DNAJC18: variants seen among roughly 807,000 people sequenced by gnomAD.
DNAJC18 encodes dnaJ homolog subfamily C member 18.
A neutral mutation model predicts 48.6 loss-of-function variants in DNAJC18; 40 were observed. That is an observed-to-expected ratio of 0.82 (90% CI 0.64 to 1.07). The LOEUF (loss-of-function observed/expected upper bound fraction) is 1.07, where lower values mean the gene tolerates loss of function less well. DNAJC18 is among the 50% of genes least tolerant of loss of function. The probability of loss-of-function intolerance (pLI) is 0.00; values close to 1 mark genes in which losing one functional copy is unlikely to be tolerated. For synonymous variants in DNAJC18, 135 were observed against 152.2 expected (o/e 0.89, Z 0.83); for missense variants, 340 against 427.7 (o/e 0.79, Z 1.81).
rs771477587 is a variant in DNAJC18 at position 139,422,826 on chromosome 5, GA to G, written c.670-10del. The G allele has an allele frequency of 8.5e-5, 124 of 1,450,866 alleles. No homozygotes were observed. Among genetic ancestry groups the G allele is most frequent in the Admixed American group, 1.6e-4 (7 of 43,040 alleles). 89.9% of individuals were successfully genotyped at this position (1,450,866 alleles called of 1,614,324 possible). ...AATGCAGAATATGTAGTCTGAAAAAGAAAAAAAAATAAAAACTTGCTGTAAG... is the reference window on the plus strand; with the variant it reads ...AATGCAGAATATGTAGTCTGAAAAAGAAAAAAAATAAAAACTTGCTGTAAG... On this transcript the variant is annotated splice_polypyrimidine_tract_variant and intron_variant, in intron 5 of 7. Coordinates refer to ENST00000302060, the MANE Select transcript of DNAJC18 (RefSeq NM_152686.4).
At chr5:139,438,887 T>C (rs1409070230) in intron 1 of DNAJC18, among the ~76,000 whole-genome samples, 2 of 152,210 alleles carry the variant, frequency 1.3e-5, no homozygotes, top group Admixed American at 6.5e-5. Context: ...TTTTGTGAGC[T>C]AAGGGACCCA....
intron 7 of DNAJC18, chr5:139,419,108 C>T (rs753852397): frequency 4.4e-5 from 20 of 449,456 alleles, no homozygotes; most frequent in South Asian, 3.0e-4. Flanking sequence ...AGTAATAAGG[C>T]TTTAGAAATG....
At chr5:139,431,673 G>GT in intron 2 of DNAJC18, among the ~76,000 whole-genome samples, 1 of 152,276 alleles carries the variant, frequency 6.6e-6, no homozygotes, top group Admixed American at 6.5e-5. Flanking sequence ...TCATGTACAA[G>GT]TTTTTTTGTG....
chr5:139,436,515 CTTTT>C (rs57926576), intron 2 of DNAJC18, among the ~76,000 whole-genome samples: 1 of 67,646 alleles, frequency 1.5e-5, no homozygotes, highest in Non-Finnish European at 2.5e-5. Context: ...ATCCCTCTTT[CTTTT>C]TTTTTTTTTT....
rs549127904 is a variant in DNAJC18 at position 139,423,123 on chromosome 5, C to T, written c.670-306G>A. Among the ~76,000 whole-genome samples the T allele has an allele frequency of 5.3e-5, 8 of 152,116 alleles. No homozygotes were observed. In the South Asian group the frequency reaches 8.3e-4, roughly 16 times the overall value. On this transcript the variant is annotated intron_variant, in intron 5 of 7. Coordinates refer to ENST00000302060, the MANE Select transcript of DNAJC18 (RefSeq NM_152686.4). ...CTGGGATTACAGGTGTGAGCCACTGCGCCTGGCCTGTAAGTGTTCTTTATC... is the reference window on the plus strand; with the variant it reads ...CTGGGATTACAGGTGTGAGCCACTGTGCCTGGCCTGTAAGTGTTCTTTATC...
At chr5:139,426,457 G>C in intron 3 of DNAJC18, 100 bp from the exon 4 acceptor site, 1 of 1,406,856 alleles carries the variant, frequency 7.1e-7, no homozygotes, top group Non-Finnish European at 9.5e-7. Context: ...ACTCGTGCTG[G>C]ACAACTTCGC....
At chr5:139,428,313 C>T (rs1389696797) in intron 3 of DNAJC18, among the ~76,000 whole-genome samples, 1 of 152,034 alleles carries the variant, frequency 6.6e-6, no homozygotes, top group Non-Finnish European at 1.5e-5. Context: ...GGGAGGATCA[C>T]TTGAGCCCGG....
intron 5 of DNAJC18, among the ~76,000 whole-genome samples, chr5:139,424,717 C>CAAAAAAAAAAAAAAAAA (rs70982777): frequency 1.3e-4 from 3 of 23,100 alleles, no homozygotes; most frequent in Non-Finnish European, 2.0e-4. Context: ...GACCCTCTCT[C>CAAAAAAAAAAAAAAAAA]AAAAAAAAAA....
At chr5:139,418,907 T>C (rs548527619) in intron 7 of DNAJC18, 6 of 454,928 alleles carry the variant, frequency 1.3e-5, no homozygotes, top group Admixed American at 1.2e-4. Flanking sequence ...GACTGACATA[T>C]ATCCCTGGAA....
At position 139,412,902 on chromosome 5, in the gene DNAJC18, G is replaced by A; in HGVS notation, c.*1246C>T. The A allele has an allele frequency of 2.5e-6, 1 of 398,676 alleles. No individual in the cohort carries two copies. The highest frequency in any genetic ancestry group is 4.4e-6 in the Non-Finnish European group (1 of 226,094). The allele number at this position is 398,676 out of a possible 1,614,324, so 24.7% of individuals were successfully genotyped here. A position where few individuals can be genotyped will look rare whatever the true frequency, so the allele number is the denominator to read the frequency against. On this transcript the variant is annotated 3_prime_UTR_variant, in exon 8 of 8. Transcript: ENST00000302060. ...GGAGGACGGAGGCATCCTCGGGAAA[G>A]GTTCTGCTTTGCCAGTCTGGCTAGA...
At chr5:139,437,606 C>A in intron 1 of DNAJC18, 48 bp from the exon 2 acceptor site, 1 of 1,556,942 alleles carries the variant, frequency 6.4e-7, no homozygotes, top group South Asian at 1.2e-5. Flanking sequence ...CCCTGAAAAT[C>A]AACTTTGCAA....
chr5:139,427,087 A>G (rs1393576762), intron 3 of DNAJC18, among the ~76,000 whole-genome samples: 1 of 152,210 alleles, frequency 6.6e-6, no homozygotes, highest in African/African-American at 2.4e-5. Flanking sequence ...CAGTAGTGAT[A>G]TTTTAACTTG....
intron 2 of DNAJC18, among the ~76,000 whole-genome samples, chr5:139,434,016 C>A (rs1480683520): frequency 6.6e-6 from 1 of 152,010 alleles, no homozygotes; most frequent in African/African-American, 2.4e-5. Flanking sequence ...CTCAGCCTCC[C>A]AAGTAGCTGG....
Position 139,422,732 on chromosome 5 carries a change from G to A in DNAJC18, c.755C>T (p.Pro252Leu), listed in dbSNP as rs1451398992. 2.5e-6 allele frequency: 4 copies of A among 1,608,482 alleles called. No individual in the cohort carries two copies. Among genetic ancestry groups the A allele is most frequent in the South Asian group, 1.1e-5 (1 of 89,916 alleles). Residue 252 changes from proline to leucine, a missense_variant, in exon 6 of 8, where the codon CCC (proline) becomes CTC (leucine). By Grantham distance (98) the Pro-to-Leu change is moderately conservative. Transcript: ENST00000302060. ...CGATTTATAGAACAGACTATATGGG[G>A]GATTAGTAGCCAGCAGCTGAGTAAT... is the stretch of plus-strand genomic sequence containing the variant. ...SVITQLLATNPPYSLFYKSTL... is the reference protein window; with the variant it reads ...SVITQLLATNLPYSLFYKSTL...
chr5:139,413,840 T>C lies in DNAJC18; in HGVS notation c.*308A>G. The stretch of plus-strand genomic sequence containing the variant: ...GGGAAGAAGGAAGAAAGCATGGATC[T>C]GCTCTGGGATGCCCTGAACTCCATT... On this transcript the variant is annotated 3_prime_UTR_variant, in exon 8 of 8. Transcript: ENST00000302060. The C allele has an allele frequency of 3.9e-6, 1 of 255,852 alleles. No individual in the cohort carries two copies. Among genetic ancestry groups the C allele is most frequent in the Non-Finnish European group, 7.3e-6 (1 of 136,394 alleles). 15.8% of individuals were successfully genotyped at this position (255,852 alleles called of 1,614,324 possible).
intron 2 of DNAJC18, among the ~76,000 whole-genome samples, chr5:139,434,839 G>A (rs921313770): frequency 6.6e-6 from 1 of 151,874 alleles, no homozygotes; most frequent in African/African-American, 2.4e-5. Flanking sequence ...TTTCCAATTT[G>A]GATGGCTTTT....
chr5:139,422,283 CAACAAAAACA>C (rs1359204535), intron 6 of DNAJC18, among the ~76,000 whole-genome samples: 1 of 152,060 alleles, frequency 6.6e-6, no homozygotes, highest in Non-Finnish European at 1.5e-5. Context: ...TCTCTATTTT[CAACAAAAACA>C]AAAAAATTGA....
chr5:139,430,816 C>A (rs749842869), intron 2 of DNAJC18, among the ~76,000 whole-genome samples: 8 of 152,168 alleles, frequency 5.3e-5, no homozygotes, highest in African/African-American at 9.7e-5. Context: ...AGTGATCCAC[C>A]TGCCTTGGCC....
intron 2 of DNAJC18, among the ~76,000 whole-genome samples, chr5:139,432,058 C>T (rs1209689505): frequency 6.6e-6 from 1 of 152,076 alleles, no homozygotes; most frequent in Non-Finnish European, 1.5e-5. Context: ...GGTTATTTGT[C>T]TTCTTATTGT....
Sources: gnomAD v4.1 joint callset for allele counts (sites outside exome capture counted in the v4.1 genomes callset) on GRCh38, gnomAD v4.1.1 for gene constraint, MANE v1.5 for transcripts, NCBI Gene and HGNC (gene_info 2026-07-23, HGNC 2026-07-21) for gene names.